PTPRD: variants seen among roughly 807,000 people sequenced by gnomAD.
PTPRD encodes receptor-type tyrosine-protein phosphatase delta.
In PTPRD, 34 loss-of-function variants were observed where a neutral mutation model predicts 214.5. That is an observed-to-expected ratio of 0.16 (90% CI 0.12 to 0.21). The LOEUF (loss-of-function observed/expected upper bound fraction) is 0.21. PTPRD is among the 10% of genes least tolerant of loss of function. The pLI is 1.00. For synonymous variants in PTPRD, 1,128 were observed against 845.7 expected (o/e 1.33, Z -5.79); for missense variants, 2,545 against 2,398.7 (o/e 1.06, Z -1.27).
At position 8,381,592 on chromosome 9, in the gene PTPRD, T is replaced by C. The variant is rs534783782; in HGVS notation, c.4387-4866A>G. 5.9e-5 allele frequency among the ~76,000 whole-genome samples: 9 copies of C among 152,302 alleles called. No individual in the cohort carries two copies. The East Asian group carries it at 1.7e-3, about 29-fold the overall frequency. ...AGTGGAGGACAAAGAGGCACTACAATATTTGAAATGAGAGTGATATTAAAG... is the reference window on the plus strand; with the variant it reads ...AGTGGAGGACAAAGAGGCACTACAACATTTGAAATGAGAGTGATATTAAAG... On this transcript the variant is annotated intron_variant, in intron 37 of 45. Coordinates refer to ENST00000381196, the MANE Select transcript of PTPRD (RefSeq NM_002839.4).
At chr9:9,790,889 A>T (rs2098962273) in intron 5 of PTPRD, among the ~76,000 whole-genome samples, 1 of 152,218 alleles carries the variant, frequency 6.6e-6, no homozygotes. Flanking sequence ...GTACATGTAA[A>T]AACCCAAACT....
intron 36 of PTPRD, among the ~76,000 whole-genome samples, chr9:8,404,177 G>A (rs1335003026): frequency 2.0e-5 from 3 of 152,136 alleles, no homozygotes; most frequent in African/African-American, 4.8e-5. Flanking sequence ...GGCTGGGGCT[G>A]GAGTACAGTG....
At chr9:9,537,771 C>T (rs2076813816) in intron 8 of PTPRD, among the ~76,000 whole-genome samples, 1 of 151,896 alleles carries the variant, frequency 6.6e-6, no homozygotes, top group African/African-American at 2.4e-5. Context: ...ATATTAAAAA[C>T]TTTGTATCTC....
intron 11 of PTPRD, among the ~76,000 whole-genome samples, chr9:8,820,989 A>G (rs2097048405): frequency 6.6e-6 from 1 of 152,208 alleles, no homozygotes; most frequent in African/African-American, 2.4e-5. Context: ...CCAGTTCAGC[A>G]TATTAGTCGC....
chr9:10,520,973 G>C (rs753979557), intron 2 of PTPRD, among the ~76,000 whole-genome samples: 2 of 151,478 alleles, frequency 1.3e-5, no homozygotes, highest in African/African-American at 2.4e-5. Flanking sequence ...TTTATGCCCA[G>C]TAACACAACA....
intron 2 of PTPRD, among the ~76,000 whole-genome samples, chr9:10,446,204 G>A (rs1273328198): frequency 6.6e-6 from 1 of 151,942 alleles, no homozygotes; most frequent in Non-Finnish European, 1.5e-5. Context: ...GAAAGCTAAG[G>A]AGAGTCATAT....
At chr9:9,314,661 A>C (rs1373248466) in intron 9 of PTPRD, among the ~76,000 whole-genome samples, 2 of 152,104 alleles carry the variant, frequency 1.3e-5, no homozygotes, top group Admixed American at 6.6e-5. Flanking sequence ...GTTCAATTAA[A>C]GTGAAAGAAT....
At chr9:8,354,617 G>A (rs1379492793) in intron 39 of PTPRD, among the ~76,000 whole-genome samples, 1 of 152,084 alleles carries the variant, frequency 6.6e-6, no homozygotes, top group Non-Finnish European at 1.5e-5. Context: ...AAATACTAAG[G>A]TTTTCCTGTT....
intron 3 of PTPRD, among the ~76,000 whole-genome samples, chr9:10,249,750 G>T (rs894011888): frequency 1.5e-4 from 23 of 151,964 alleles, no homozygotes; most frequent in African/African-American, 5.1e-4. Context: ...AAATGCAGTT[G>T]TCTTGCATTT....
chr9:9,068,717 T>G (rs2099739186), intron 10 of PTPRD, among the ~76,000 whole-genome samples: 1 of 152,106 alleles, frequency 6.6e-6, no homozygotes, highest in African/African-American at 2.4e-5. Context: ...GTTCCAGCAA[T>G]TCTCCTGCCT....
At chr9:10,173,116 T>C (rs2154299218) in intron 3 of PTPRD, among the ~76,000 whole-genome samples, 1 of 152,298 alleles carries the variant, frequency 6.6e-6, no homozygotes, top group Non-Finnish European at 1.5e-5. Flanking sequence ...AACATTAGCG[T>C]ATGATTACAG....
chr9:9,952,985 T>G (rs979795042), intron 4 of PTPRD, among the ~76,000 whole-genome samples: 8 of 152,122 alleles, frequency 5.3e-5, no homozygotes, highest in Non-Finnish European at 1.2e-4. Context: ...TAAGGAACAT[T>G]GTGGAAGCCA....
At chr9:8,892,833 A>G (rs1041441090) in intron 11 of PTPRD, among the ~76,000 whole-genome samples, 16 of 151,928 alleles carry the variant, frequency 1.1e-4, no homozygotes, top group African/African-American at 3.6e-4. Context: ...GTGGACATGC[A>G]AAGGCCCAGA....
At chr9:10,146,418 T>C (rs1429105899) in intron 3 of PTPRD, among the ~76,000 whole-genome samples, 1 of 152,018 alleles carries the variant, frequency 6.6e-6, no homozygotes, top group Non-Finnish European at 1.5e-5. Flanking sequence ...AAGTAATAAA[T>C]AAACAAATAT....
At chr9:9,966,979 G>A (rs758973527) in intron 4 of PTPRD, among the ~76,000 whole-genome samples, 40 of 152,216 alleles carry the variant, frequency 2.6e-4, no homozygotes, top group Non-Finnish European at 5.0e-4. Context: ...GCAGCAATCT[G>A]AATAATGGAG....
chr9:10,351,046 C>T (rs2097173545), intron 2 of PTPRD, among the ~76,000 whole-genome samples: 2 of 152,110 alleles, frequency 1.3e-5, no homozygotes, highest in East Asian at 1.9e-4. Context: ...AGCTAAGATA[C>T]ACAAAAGGAG....
intron 11 of PTPRD, among the ~76,000 whole-genome samples, chr9:8,920,159 G>A (rs74371227): frequency 0.13 from 20,237 of 151,930 alleles, 1,841 homozygotes; most frequent in Non-Finnish European, 0.2. Flanking sequence ...CGGGCAACAC[G>A]GCAAATTCCC....
At chr9:8,610,114 G>A (rs1314900701) in intron 14 of PTPRD, among the ~76,000 whole-genome samples, 1 of 151,662 alleles carries the variant, frequency 6.6e-6, no homozygotes, top group African/African-American at 2.4e-5. Context: ...TAAGTATTTT[G>A]GCATAGCAGC....
chr9:8,751,064 G>C (rs949560402), intron 11 of PTPRD, among the ~76,000 whole-genome samples: 2 of 152,110 alleles, frequency 1.3e-5, no homozygotes, highest in Admixed American at 6.5e-5. Flanking sequence ...TCACTTTTCA[G>C]TGATCCTATG....
Sources: allele counts gnomAD v4.1 joint callset (sites outside exome capture counted in the v4.1 genomes callset), GRCh38; gene constraint gnomAD v4.1.1; transcripts MANE v1.5; gene names NCBI Gene and HGNC (gene_info 2026-07-23, HGNC 2026-07-21).